Variants in ZPBP observed in about 807,000 individuals in gnomAD.
ZPBP encodes the protein zona pellucida-binding protein 1.
Under a neutral mutation model 44.8 loss-of-function variants are expected in ZPBP, and 26 were observed. That is an observed-to-expected ratio of 0.58 (90% CI 0.43 to 0.81). The LOEUF is 0.81. Ranked by LOEUF, ZPBP falls within the 30% of genes least tolerant of loss-of-function variation. The probability of loss-of-function intolerance (pLI) is 0.00; values close to 1 mark genes in which losing one functional copy is unlikely to be tolerated. For synonymous variants in ZPBP, 174 were observed against 153.2 expected (o/e 1.14, Z -1.00); for missense variants, 409 against 434.0 (o/e 0.94, Z 0.51).
intron 6 of ZPBP, among the ~76,000 whole-genome samples, chr7:49,998,410 A>G (rs1326284429): frequency 1.3e-5 from 2 of 152,228 alleles, no homozygotes; most frequent in Admixed American, 1.3e-4. Flanking sequence ...GAATTCAAAT[A>G]TCTGAGCTAA....
chr7:50,005,735 C>T (rs551938151), intron 6 of ZPBP, among the ~76,000 whole-genome samples: 186 of 151,474 alleles, frequency 1.2e-3, no homozygotes, highest in Non-Finnish European at 1.9e-3. Flanking sequence ...AGCTCTAAGA[C>T]GTACAAAAAA....
chr7:50,060,886 G>A (rs1801204903), intron 3 of ZPBP, among the ~76,000 whole-genome samples: 1 of 152,274 alleles, frequency 6.6e-6, no homozygotes, highest in Non-Finnish European at 1.5e-5. Flanking sequence ...CAATAACCCT[G>A]ATGAACATAG....
chr7:50,052,813 T>C (rs972951720), intron 4 of ZPBP, among the ~76,000 whole-genome samples: 2 of 151,718 alleles, frequency 1.3e-5, no homozygotes, highest in African/African-American at 4.8e-5. Context: ...TAAAGGAATT[T>C]GGAAAAATGA....
At chr7:50,093,001 G>C (rs1317717777) in intron 1 of ZPBP, 67 bp downstream of exon 1, 1 of 1,555,848 alleles carries the variant, frequency 6.4e-7, no homozygotes, top group South Asian at 1.2e-5. Context: ...ACAAGAAAAG[G>C]CAATTCGAAG....
At chr7:49,892,854 A>C (rs1369061750) in intron 2 of ZPBP, among the ~76,000 whole-genome samples, 1 of 152,256 alleles carries the variant, frequency 6.6e-6, no homozygotes, top group Non-Finnish European at 1.5e-5. Flanking sequence ...TCTATGGTCA[A>C]GTGAATTTAG....
intron 3 of ZPBP, 24 bp from the exon 4 acceptor site, chr7:50,058,165 G>A (rs371879744): frequency 2.9e-5 from 47 of 1,612,340 alleles, no homozygotes; most frequent in Non-Finnish European, 3.7e-5. Context: ...ATACAGTTAC[G>A]AGTTGCTTAA....
chr7:50,063,466 G>A (rs1801348057), intron 3 of ZPBP, among the ~76,000 whole-genome samples: 1 of 152,148 alleles, frequency 6.6e-6, no homozygotes, highest in Non-Finnish European at 1.5e-5. Context: ...TAGTTTGTCA[G>A]AATATACAAA....
intron 2 of ZPBP, among the ~76,000 whole-genome samples, chr7:49,852,714 A>T (rs1790231291): frequency 6.6e-6 from 1 of 152,088 alleles, no homozygotes; most frequent in South Asian, 2.1e-4. Context: ...GCTCCTACAG[A>T]TCAAAATCTG....
At chr7:49,926,773 AGGAGGGGCTG>A (rs900366293) in intron 1 of ZPBP, among the ~76,000 whole-genome samples, 50 of 152,178 alleles carry the variant, frequency 3.3e-4, no homozygotes, top group Admixed American at 1.2e-3. Context: ...GAAGGAAGAG[AGGAGGGGCTG>A]GGAGATCCTC....
chr7:50,040,546 C>T (rs1417337849), intron 4 of ZPBP, among the ~76,000 whole-genome samples: 2 of 152,134 alleles, frequency 1.3e-5, no homozygotes, highest in Admixed American at 6.5e-5. Flanking sequence ...TCGCCTCACC[C>T]GGGAAGCACA....
At chr7:49,874,268 C>A (rs1178707805) in intron 2 of ZPBP, among the ~76,000 whole-genome samples, 1 of 152,200 alleles carries the variant, frequency 6.6e-6, no homozygotes, top group Non-Finnish European at 1.5e-5. Flanking sequence ...CATAGAATTA[C>A]AATACTGCAT....
Position 50,001,671 on chromosome 7 carries a change from G to A in ZPBP, c.783+16569C>T, listed in dbSNP as rs534281062. On this transcript the variant is annotated intron_variant, in intron 6 of 7. Transcript: ENST00000046087. Reference sequence around the variant, plus strand: ...AAGGAGAATAATCCATTCCTAAAGAGCACAAAACAGATGAGGTGAGGTGTC... The same window carrying A: ...AAGGAGAATAATCCATTCCTAAAGAACACAAAACAGATGAGGTGAGGTGTC... Among the ~76,000 whole-genome samples, 9 of 152,212 alleles carry A rather than the reference G, an allele frequency of 5.9e-5. No homozygotes were observed. In the South Asian group the frequency reaches 1.7e-3, roughly 28 times the overall value.
chr7:49,948,641 A>C (rs1019718431), intron 7 of ZPBP, among the ~76,000 whole-genome samples: 2 of 152,166 alleles, frequency 1.3e-5, no homozygotes, highest in African/African-American at 4.8e-5. Context: ...ACCATTAGGG[A>C]AATGCAACTC....
At chr7:49,849,354 A>C (rs1790084071), downstream of ZPBP, among the ~76,000 whole-genome samples, 1 of 152,226 alleles carries the variant, frequency 6.6e-6, no homozygotes, top group Non-Finnish European at 1.5e-5. Context: ...ACTGGAAATT[A>C]GATGGCTAAG....
At chr7:49,983,220 A>C (rs1797107179) in intron 7 of ZPBP, 122 bp downstream of exon 7, 1 of 919,410 alleles carries the variant, frequency 1.1e-6, no homozygotes, top group East Asian at 2.7e-5. Context: ...ACACTACTTT[A>C]AATAAACTAT....
chr7:50,078,553 T>C (rs1802213717), intron 3 of ZPBP, among the ~76,000 whole-genome samples: 1 of 150,564 alleles, frequency 6.6e-6, no homozygotes, highest in African/African-American at 2.4e-5. Context: ...AAAAAAATAA[T>C]ATTCTTAAGA....
chr7:50,058,230 T>G, intron 3 of ZPBP, 89 bp from the exon 4 acceptor site: 1 of 1,385,068 alleles, frequency 7.2e-7, no homozygotes, highest in Non-Finnish European at 1.0e-6. Context: ...CCATCATAAT[T>G]TACCAACACA....
At chr7:49,880,313 G>T (rs73111333) in intron 2 of ZPBP, among the ~76,000 whole-genome samples, 2 of 151,754 alleles carry the variant, frequency 1.3e-5, no homozygotes, top group South Asian at 4.1e-4. Flanking sequence ...TATTTTTAAC[G>T]CATGATGCTG....
chr7:50,022,844 A>G (rs1323332213), intron 5 of ZPBP, among the ~76,000 whole-genome samples: 2 of 152,108 alleles, frequency 1.3e-5, no homozygotes, highest in Non-Finnish European at 2.9e-5. Flanking sequence ...AATTTAAATT[A>G]TAATTGAGGG....
Sources: allele counts gnomAD v4.1 joint callset (sites outside exome capture counted in the v4.1 genomes callset), GRCh38; gene constraint gnomAD v4.1.1; transcripts MANE v1.5; gene names NCBI Gene and HGNC (gene_info 2026-07-23, HGNC 2026-07-21).